Variants in NEBL observed in about 807,000 individuals in gnomAD.
The protein encoded by NEBL is LIM and SH3 protein 2.
In NEBL, 122 loss-of-function variants were observed where a neutral mutation model predicts 140.2. The observed-to-expected ratio is 0.87, with a 90% CI of 0.75 to 1.01. The LOEUF (loss-of-function observed/expected upper bound fraction) is 1.01. Ranked by LOEUF, NEBL falls within the 50% of genes least tolerant of loss-of-function variation. The pLI is 0.00. For synonymous variants in NEBL, 436 were observed against 398.9 expected (o/e 1.09, Z -1.11); for missense variants, 1,365 against 1,231.3 (o/e 1.11, Z -1.62).
intron 2 of NEBL, among the ~76,000 whole-genome samples, chr10:21,052,109 A>G (rs561527187): frequency 2.0e-4 from 31 of 152,332 alleles, no homozygotes; most frequent in African/African-American, 7.2e-4. Flanking sequence ...AACTTTACAT[A>G]TCAGATAAGA....
intron 3 of NEBL, among the ~76,000 whole-genome samples, chr10:21,233,932 T>C (rs1264425761): frequency 1.4e-5 from 2 of 146,210 alleles, no homozygotes; most frequent in East Asian, 3.9e-4. Flanking sequence ...ATATTACATA[T>C]ATATATATAT....
At chr10:21,251,383 T>C (rs971814533) in intron 2 of NEBL, among the ~76,000 whole-genome samples, 2 of 152,170 alleles carry the variant, frequency 1.3e-5, no homozygotes, top group Admixed American at 6.5e-5. Flanking sequence ...TCTCATCAGG[T>C]TGTAATAGTC....
intron 24 of NEBL, 46 bp downstream of exon 24, chr10:20,812,723 G>C (rs1838283045): frequency 1.2e-6 from 2 of 1,607,402 alleles, no homozygotes; most frequent in Admixed American, 1.7e-5. Flanking sequence ...GAGCAAGCAT[G>C]ATCTTTTCGA....
intron 2 of NEBL, among the ~76,000 whole-genome samples, chr10:21,118,965 T>C (rs1838400312): frequency 6.6e-6 from 1 of 152,142 alleles, no homozygotes. Flanking sequence ...ATCTTCTCAA[T>C]CATTCTTACA....
At chr10:21,029,137 C>A in intron 2 of NEBL, 1 of 1,306,780 alleles carries the variant, frequency 7.7e-7, no homozygotes, top group Non-Finnish European at 1.1e-6. Flanking sequence ...AACAGATGAC[C>A]TGGAAGGAGA....
intron 3 of NEBL, among the ~76,000 whole-genome samples, chr10:21,194,490 T>A (rs1351127641): frequency 6.6e-6 from 1 of 152,226 alleles, no homozygotes; most frequent in Admixed American, 6.5e-5. Context: ...TCAAGTTCAA[T>A]AACTGATCAC....
chr10:20,952,632 C>G (rs925471145), intron 4 of NEBL, among the ~76,000 whole-genome samples: 2 of 151,866 alleles, frequency 1.3e-5, no homozygotes, highest in African/African-American at 4.8e-5. Flanking sequence ...TGTCAGGGTA[C>G]AGTGGCTCAC....
chr10:20,794,743 G>A (rs1836341817), intron 26 of NEBL, among the ~76,000 whole-genome samples: 1 of 152,170 alleles, frequency 6.6e-6, no homozygotes, highest in South Asian at 2.1e-4. Flanking sequence ...AATAATATAA[G>A]TAAAATGCTT....
chr10:20,787,169 A>G, intron 27 of NEBL, 33 bp downstream of exon 27: 2 of 1,488,356 alleles, frequency 1.3e-6, no homozygotes, highest in Non-Finnish European at 1.9e-6. Context: ...TGGGAAGACC[A>G]GCTAAGGAGG....
At chr10:20,786,935 T>C (rs1465938967) in intron 27 of NEBL, among the ~76,000 whole-genome samples, 2 of 152,228 alleles carry the variant, frequency 1.3e-5, no homozygotes, top group African/African-American at 2.4e-5. Context: ...GTACCAATCA[T>C]GAAGTAACAA....
rs1306318512 is a variant in NEBL, at chr10:20,787,226, T to C, written c.2844A>G (p.Arg948=). The C allele has an allele frequency of 1.2e-6, 2 of 1,612,982 alleles. No individual in the cohort carries two copies. The highest frequency in any genetic ancestry group is 4.5e-5 in the East Asian group (2 of 44,814). ...CTAGATTTGGTGAATGCTGCATTGA[T>C]CTCATGGATGACACACTGGTCTGGT... ...YMHQTSVSSM[R]SMQHSPNLRT... The change falls in exon 27 of 28, where the codon AGA becomes AGG. Residue 948 remains arginine (R), a synonymous_variant. Transcript: ENST00000377122.
chr10:21,120,794 G>C (rs771480652), intron 2 of NEBL, among the ~76,000 whole-genome samples: 1 of 151,790 alleles, frequency 6.6e-6, no homozygotes, highest in East Asian at 1.9e-4. Context: ...CCCAAGTGAG[G>C]TCTGAAGTCA....
At position 20,938,667 on chromosome 10, in the gene NEBL, T is replaced by C. The variant is rs184114790; in HGVS notation, c.357+23005A>G. Among the ~76,000 whole-genome samples, 14 of 152,008 alleles carry C rather than the reference T, an allele frequency of 9.2e-5. No homozygotes were observed. The East Asian group carries it at 1.4e-3, about 15-fold the overall frequency. On this transcript the variant is annotated intron_variant, in intron 4 of 6. Coordinates refer to the NEBL transcript ENST00000417816. Reference sequence around the variant, plus strand: ...AGCTAAAGGAGGAAGTTCGAACCCATGGCAAAGAAGTTAAAAACTTGAAAA... The same window carrying C: ...AGCTAAAGGAGGAAGTTCGAACCCACGGCAAAGAAGTTAAAAACTTGAAAA...
intron 3 of NEBL, among the ~76,000 whole-genome samples, chr10:21,210,304 GA>G (rs1298425274): frequency 6.6e-6 from 1 of 152,110 alleles, no homozygotes; most frequent in Non-Finnish European, 1.5e-5. Context: ...TGAGGCAGGT[GA>G]ATCACTTGAA....
At chr10:20,818,901 A>G (rs1838995159) in intron 20 of NEBL, 2 of 980,250 alleles carry the variant, frequency 2.0e-6, no homozygotes, top group Admixed American at 5.8e-5. Flanking sequence ...TCCTTTTTAA[A>G]TTTTTAGATA....
At chr10:21,165,316 A>C (rs1388767552) in intron 2 of NEBL, among the ~76,000 whole-genome samples, 1 of 152,202 alleles carries the variant, frequency 6.6e-6, no homozygotes, top group Non-Finnish European at 1.5e-5. Flanking sequence ...CACTACGTTC[A>C]TTACAGATCA....
chr10:20,982,264 G>A (rs1837081273), intron 3 of NEBL, among the ~76,000 whole-genome samples: 1 of 152,196 alleles, frequency 6.6e-6, no homozygotes, highest in Non-Finnish European at 1.5e-5. Flanking sequence ...CAGATCCTCA[G>A]ATGGGACTCC....
intron 7 of NEBL, among the ~76,000 whole-genome samples, chr10:20,862,645 A>T (rs888936816): frequency 2.0e-5 from 3 of 152,170 alleles, no homozygotes; most frequent in African/African-American, 7.2e-5. Flanking sequence ...CTTGACTATA[A>T]CTTGTTATCC....
chr10:21,183,967 A>AC (rs1188567541), intron 3 of NEBL, among the ~76,000 whole-genome samples: 1 of 152,060 alleles, frequency 6.6e-6, no homozygotes, highest in Non-Finnish European at 1.5e-5. Flanking sequence ...GCCATGTGAG[A>AC]CCTGCCTTTC....
Sources: gnomAD v4.1 joint callset for allele counts (sites outside exome capture counted in the v4.1 genomes callset) on GRCh38, gnomAD v4.1.1 for gene constraint, MANE v1.5 for transcripts, NCBI Gene and HGNC (gene_info 2026-07-23, HGNC 2026-07-21) for gene names.